The following SPIDR variants were observed in gnomAD, a reference collection of about 807,000 sequenced individuals.
The protein encoded by SPIDR is scaffold protein involved in DNA repair.
A neutral mutation model predicts 104.6 loss-of-function variants in SPIDR; 93 were observed. The observed-to-expected ratio is 0.89, with a 90% confidence interval of 0.75 to 1.06. The LOEUF is 1.06. Ranked by LOEUF, SPIDR falls within the 50% of genes least tolerant of loss-of-function variation. SPIDR has a pLI of 0.00. For missense variants in SPIDR, 1,154 were observed against 1,111.2 expected (o/e 1.04, Z -0.55); for synonymous variants, 431 against 416.9 (o/e 1.03, Z -0.41).
chr8:47,320,079 G>A (rs1445041791), intron 5 of SPIDR, among the ~76,000 whole-genome samples: 3 of 152,040 alleles, frequency 2.0e-5, no homozygotes, highest in Non-Finnish European at 2.9e-5. Flanking sequence ...CTAGCAGAAG[G>A]CAAGAAATAA....
intron 16 of SPIDR, among the ~76,000 whole-genome samples, chr8:47,725,625 C>T (rs1286503712): frequency 2.0e-5 from 3 of 152,170 alleles, no homozygotes; most frequent in South Asian, 2.1e-4. Flanking sequence ...CTCTTGACCT[C>T]GTGATCCTCC....
chr8:47,593,218 C>T (rs1205349157), intron 8 of SPIDR, among the ~76,000 whole-genome samples: 1 of 151,784 alleles, frequency 6.6e-6, no homozygotes, highest in Non-Finnish European at 1.5e-5. Context: ...GTCTGTTTTC[C>T]CTTTATTATT....
At chr8:47,735,182 T>G in intron 19 of SPIDR, 125 bp from the exon 20 acceptor site, 1 of 807,382 alleles carries the variant, frequency 1.2e-6, no homozygotes, top group Non-Finnish European at 2.1e-6. Flanking sequence ...TCTCAGCCAT[T>G]TGAGGAGTGG....
intron 16 of SPIDR, among the ~76,000 whole-genome samples, chr8:47,725,151 G>T (rs1471266569): frequency 6.6e-6 from 1 of 152,242 alleles, no homozygotes; most frequent in Admixed American, 6.5e-5. Context: ...GTGTGCACCA[G>T]GCGTGGTGAG....
intron 2 of SPIDR, among the ~76,000 whole-genome samples, chr8:47,281,493 T>C (rs1003677602): frequency 2.0e-5 from 3 of 152,152 alleles, no homozygotes; most frequent in African/African-American, 7.2e-5. Context: ...TATTCTAAAT[T>C]ACTTGTTATC....
At chr8:47,482,111 G>A (rs1266268198) in intron 8 of SPIDR, among the ~76,000 whole-genome samples, 2 of 152,164 alleles carry the variant, frequency 1.3e-5, no homozygotes, top group African/African-American at 2.4e-5. Flanking sequence ...CCTGAAGTAC[G>A]TACTTCCCTT....
Position 47,384,638 on chromosome 8 carries a change from C to T in SPIDR, c.526-11738C>T, listed in dbSNP as rs186645025. 2.6e-4 allele frequency among the ~76,000 whole-genome samples: 40 copies of T among 152,222 alleles called. 1 individual carries two copies. The East Asian group carries it at 5.6e-3, about 21-fold the overall frequency. On this transcript the variant is annotated intron_variant, in intron 5 of 19. Transcript: ENST00000297423. ...GTTATTGGGCAGATTGCCTGTATTG[C>T]GGGAGGCGGTTCGCTCTGAGCAGCA...
intron 10 of SPIDR, chr8:47,667,864 C>T (rs1482608355): frequency 6.6e-6 from 1 of 151,870 alleles, no homozygotes; most frequent in Non-Finnish European, 1.5e-5. Context: ...ATTCATGAAG[C>T]ATTACATATT....
chr8:47,280,217 AT>A (rs1325232798), intron 2 of SPIDR, among the ~76,000 whole-genome samples, 200 bp downstream of exon 2: 34 of 149,402 alleles, frequency 2.3e-4, no homozygotes, highest in Non-Finnish European at 3.7e-4. Flanking sequence ...TCACCTTTTT[AT>A]TTTTTATTTT....
At chr8:47,287,826 AGT>A (rs2039154046) in intron 3 of SPIDR, among the ~76,000 whole-genome samples, 1 of 152,202 alleles carries the variant, frequency 6.6e-6, no homozygotes, top group Admixed American at 6.6e-5. Context: ...TTAACACGAT[AGT>A]GGTCCTGAGG....
intron 9 of SPIDR, among the ~76,000 whole-genome samples, 185 bp from the exon 10 acceptor site, chr8:47,598,761 G>C (rs2061910964): frequency 6.6e-6 from 1 of 152,096 alleles, no homozygotes; most frequent in South Asian, 2.1e-4. Context: ...TTAGCCACCT[G>C]GCAGGCCCAG....
At chr8:47,702,208 A>G (rs2080384666) in intron 14 of SPIDR, among the ~76,000 whole-genome samples, 193 bp downstream of exon 14, 1 of 152,014 alleles carries the variant, frequency 6.6e-6, no homozygotes, top group Admixed American at 6.6e-5. Context: ...AAGTGTTTTT[A>G]AAGTCCAGTT....
intron 10 of SPIDR, among the ~76,000 whole-genome samples, chr8:47,667,071 A>G (rs1300507579): frequency 1.3e-5 from 2 of 152,130 alleles, no homozygotes; most frequent in African/African-American, 4.8e-5. Flanking sequence ...ACCTGAGGTC[A>G]GGAGTTCAAG....
At chr8:47,456,449 A>G (rs1442600056) in intron 8 of SPIDR, among the ~76,000 whole-genome samples, 3 of 152,202 alleles carry the variant, frequency 2.0e-5, no homozygotes, top group Non-Finnish European at 4.4e-5. Flanking sequence ...GCAAACTAAT[A>G]CATTTTAAAA....
intron 8 of SPIDR, among the ~76,000 whole-genome samples, chr8:47,442,824 G>A (rs1475376284): frequency 1.3e-5 from 2 of 151,890 alleles, no homozygotes; most frequent in South Asian, 2.1e-4. Flanking sequence ...GGTCTCAAAC[G>A]CCTGGCCTCA....
intron 5 of SPIDR, among the ~76,000 whole-genome samples, chr8:47,310,424 T>C (rs1478633487): frequency 3.3e-5 from 5 of 151,778 alleles, no homozygotes; most frequent in African/African-American, 1.2e-4. Flanking sequence ...CTTTTAATAA[T>C]TACAGAGGGG....
intron 10 of SPIDR, among the ~76,000 whole-genome samples, chr8:47,617,336 C>T (rs1000672083): frequency 2.6e-5 from 4 of 152,178 alleles, no homozygotes; most frequent in African/African-American, 9.7e-5. Context: ...GCATTTGTGA[C>T]ATAGACAACA....
intron 5 of SPIDR, among the ~76,000 whole-genome samples, chr8:47,331,460 G>GGT (rs1351042630): frequency 3.3e-5 from 5 of 152,208 alleles, no homozygotes; most frequent in Non-Finnish European, 7.4e-5. Context: ...GGAACACAAA[G>GGT]GTAGTTATTT....
At chr8:47,404,352 G>T (rs902859242) in intron 6 of SPIDR, among the ~76,000 whole-genome samples, 3 of 152,296 alleles carry the variant, frequency 2.0e-5, no homozygotes, top group East Asian at 1.9e-4. Context: ...TGACAAGTGG[G>T]ATCTAATTAA....
Sources: allele counts gnomAD v4.1 joint callset (sites outside exome capture counted in the v4.1 genomes callset), GRCh38; gene constraint gnomAD v4.1.1; transcripts MANE v1.5; gene names NCBI Gene and HGNC (gene_info 2026-07-23, HGNC 2026-07-21).